Variants in LRRFIP1 observed in about 807,000 individuals in gnomAD.
The protein encoded by LRRFIP1 is leucine-rich repeat flightless-interacting protein 1.
Under a neutral mutation model 104.4 loss-of-function variants are expected in LRRFIP1, and 62 were observed. The ratio of observed to expected loss-of-function variants is 0.59; its 90% CI spans 0.48 to 0.73. The LOEUF (loss-of-function observed/expected upper bound fraction) is 0.73, where lower values mean the gene tolerates loss of function less well. LRRFIP1 is among the 30% of genes least tolerant of loss of function. The pLI, the probability that LRRFIP1 is intolerant of heterozygous loss-of-function variation, is 0.00. For missense variants in LRRFIP1, 796 were observed against 824.5 expected, an observed-to-expected ratio of 0.97 and a Z score of 0.42; for synonymous variants, 300 against 299.0, an observed-to-expected ratio of 1.00 and a Z score of -0.03.
At chr2:237,740,571 C>T (rs1437790771) in intron 11 of LRRFIP1, among the ~76,000 whole-genome samples, 1 of 152,154 alleles carries the variant, frequency 6.6e-6, no homozygotes, top group Non-Finnish European at 1.5e-5. Context: ...GCTGAGACCT[C>T]CTGCTTGCGT....
At position 237,749,309 on chromosome 2, in the gene LRRFIP1, C is replaced by T. The variant is rs113302264; in HGVS notation, c.780C>T (p.Ser260=). ...DTSISIDTEA[S]IREIKELNEL... ...CCATCTCCATCGACACCGAGGCATC[C>T]ATCAGGGAAATCAAGGTGAGATGCT... Residue 260 remains serine, a synonymous_variant, in exon 13 of 24, where the codon TCC becomes TCT. Coordinates refer to ENST00000308482, the MANE Select transcript of LRRFIP1 (RefSeq NM_001137550.2). 2,651 of 1,613,700 alleles carry T rather than the reference C, an allele frequency of 1.6e-3. 47 individuals carry two copies. The African/African-American group carries it at 0.028, about 17-fold the overall frequency.
chr2:237,709,463 G>C (rs997876561), intron 2 of LRRFIP1, among the ~76,000 whole-genome samples: 1 of 152,150 alleles, frequency 6.6e-6, no homozygotes, highest in African/African-American at 2.4e-5. Flanking sequence ...GCCTTCCCCA[G>C]GGTTGATTTT....
At chr2:237,697,118 T>C (rs2093241477) in intron 1 of LRRFIP1, among the ~76,000 whole-genome samples, 1 of 152,178 alleles carries the variant, frequency 6.6e-6, no homozygotes. Context: ...GTTTCCCAGG[T>C]GCAACCGATT....
At chr2:237,701,865 C>T (rs762120651) in intron 1 of LRRFIP1, among the ~76,000 whole-genome samples, 38 of 152,210 alleles carry the variant, frequency 2.5e-4, no homozygotes, top group Admixed American at 1.9e-3. Flanking sequence ...GACTTCTTCA[C>T]GCAGTCTTCT....
In LRRFIP1 at chr2:237,729,794, C is replaced by T. The variant is rs186967528; in HGVS notation, c.444+1859C>T. Reference sequence around the variant, plus strand: ...TTGGTGCTCAGAATTCCAGCTACAGCGGTGACAGCAGATTCTCTACTTTGT... The same window carrying T: ...TTGGTGCTCAGAATTCCAGCTACAGTGGTGACAGCAGATTCTCTACTTTGT... On this transcript the variant is annotated intron_variant, in intron 8 of 23. Transcript: ENST00000308482. 40 of 985,304 alleles carry T rather than the reference C, an allele frequency of 4.1e-5. No individual in the cohort carries two copies. The South Asian group carries it at 5.2e-4, about 13-fold the overall frequency. The allele number at this position is 985,304 out of a possible 1,614,324, so 61.0% of individuals were successfully genotyped here. A position where few individuals can be genotyped will look rare whatever the true frequency, so the allele number is the denominator to read the frequency against.
intron 1 of LRRFIP1, among the ~76,000 whole-genome samples, chr2:237,702,553 G>A (rs2093595185): frequency 6.6e-6 from 1 of 152,244 alleles, no homozygotes; most frequent in African/African-American, 2.4e-5. Context: ...AGCAGGAACT[G>A]AGAGAGGACA....
At chr2:237,630,850 G>A (rs1203600429) in intron 1 of LRRFIP1, among the ~76,000 whole-genome samples, 8 of 152,226 alleles carry the variant, frequency 5.3e-5, no homozygotes, top group Admixed American at 2.6e-4. Flanking sequence ...GCTTCATGGA[G>A]GCCAGCTGGC....
chr2:237,752,412 G>C (rs1223709079), intron 14 of LRRFIP1, among the ~76,000 whole-genome samples: 1 of 152,086 alleles, frequency 6.6e-6, no homozygotes, highest in Non-Finnish European at 1.5e-5. Flanking sequence ...TTTCAAAAAA[G>C]AAAAAATGCT....
At chr2:237,772,585 C>A (rs1403786429) in intron 21 of LRRFIP1, 2 of 524,052 alleles carry the variant, frequency 3.8e-6, no homozygotes, top group East Asian at 6.3e-5. Flanking sequence ...TCTCTCCGCC[C>A]TTTTCCCTAC....
At position 237,633,425 on chromosome 2, in the gene LRRFIP1, G is replaced by T. The variant is rs187276502; in HGVS notation, c.96+5685G>T. Among the ~76,000 whole-genome samples, 330 of 152,190 alleles carry T rather than the reference G, an allele frequency of 2.2e-3. 1 individual carries two copies. The highest frequency in any genetic ancestry group is 7.5e-3 in the African/African-American group (312 of 41,460). The stretch of plus-strand genomic sequence containing the variant: ...CAACGGCCCTGGGCCCCACCCCACA[G>T]CTATTTCTGTCAGAGGGCCAGCTGT... On this transcript the variant is annotated intron_variant, in intron 1 of 23. Coordinates refer to ENST00000308482, the MANE Select transcript of LRRFIP1 (RefSeq NM_001137550.2).
At chr2:237,681,740 C>CGG (rs1355808660) in intron 1 of LRRFIP1, among the ~76,000 whole-genome samples, 1 of 110,952 alleles carries the variant, frequency 9.0e-6, no homozygotes, top group Non-Finnish European at 1.8e-5. Context: ...AGTGCAGTGG[C>CGG]GGGATCTCGG....
chr2:237,637,383 G>C (rs967341621), intron 1 of LRRFIP1, among the ~76,000 whole-genome samples: 2 of 152,114 alleles, frequency 1.3e-5, no homozygotes, highest in African/African-American at 4.8e-5. Context: ...CAGGAGAATT[G>C]CTTGAACCCA....
chr2:237,760,237 C>T (rs2059715529), intron 19 of LRRFIP1, 32 bp downstream of exon 19: 1 of 1,610,930 alleles, frequency 6.2e-7, no homozygotes, highest in Non-Finnish European at 8.5e-7. Flanking sequence ...GCTCCTCACA[C>T]CTTTCCACTC....
At chr2:237,656,928 A>G (rs1055152881) in intron 1 of LRRFIP1, among the ~76,000 whole-genome samples, 2 of 152,262 alleles carry the variant, frequency 1.3e-5, no homozygotes, top group African/African-American at 4.8e-5. Flanking sequence ...ATTCTGTGGA[A>G]TTTTACAATG....
At chr2:237,713,275 ACGG>A (rs1168773571) in intron 2 of LRRFIP1, among the ~76,000 whole-genome samples, 4 of 152,128 alleles carry the variant, frequency 2.6e-5, no homozygotes, top group Non-Finnish European at 5.9e-5. Context: ...CAGCACACAG[ACGG>A]CGAGAACCCA....
At chr2:237,647,850 G>T (rs537859675) in intron 1 of LRRFIP1, among the ~76,000 whole-genome samples, 6 of 152,158 alleles carry the variant, frequency 3.9e-5, no homozygotes, top group African/African-American at 1.2e-4. Context: ...CTCACTGCAC[G>T]CAGGGTTTTG....
chr2:237,721,025 G>A (rs1459091891), intron 6 of LRRFIP1: 21 of 524,152 alleles, frequency 4.0e-5, no homozygotes, highest in South Asian at 7.8e-5. Flanking sequence ...GCATAGGCAC[G>A]TTGGTTGTTT....
At chr2:237,769,853 T>C in intron 19 of LRRFIP1, 90 bp from the exon 20 acceptor site, 1 of 958,062 alleles carries the variant, frequency 1.0e-6, no homozygotes, top group South Asian at 1.4e-5. Context: ...TTCATTTCAC[T>C]AACCTGAACG....
In LRRFIP1 at chr2:237,691,947, C is replaced by G. The variant is rs1176083784; in HGVS notation, c.97-16597C>G. Among the ~76,000 whole-genome samples the G allele has an allele frequency of 1.3e-5, 1 of 74,744 alleles. No individual in the cohort carries two copies. Among genetic ancestry groups the G allele is most frequent in the Non-Finnish European group, 2.6e-5 (1 of 38,346 alleles). 49.0% of individuals were successfully genotyped at this position (74,744 alleles called of 152,430 possible). On this transcript the variant is annotated intron_variant, in intron 1 of 23. Transcript: ENST00000308482. The surrounding 1 kb of genome is among the most constrained non-coding windows in gnomAD (Gnocchi z 5.4). ...CTCGCGTTAAGGGAGCGCGGAAGGG[C>G]GGGACAGGCCGTGGGGCGGGGCCTG... is the stretch of plus-strand genomic sequence containing the variant.
Sources: gnomAD v4.1 joint callset for allele counts (sites outside exome capture counted in the v4.1 genomes callset) on GRCh38, gnomAD v4.1.1 for gene constraint, Gnocchi (gnomAD v3.1) non-coding constraint, MANE v1.5 for transcripts, NCBI Gene and HGNC (gene_info 2026-07-23, HGNC 2026-07-21) for gene names.